The following TPD52L1 variants were observed in gnomAD, a reference collection of about 807,000 sequenced individuals.
The protein encoded by TPD52L1 is TPD52 like 1.
TPD52L1 carries 18 observed loss-of-function variants against 28.7 expected under a neutral mutation model. The observed-to-expected ratio is 0.63, with a 90% confidence interval of 0.43 to 0.93. The LOEUF is 0.93. Ranked by LOEUF, TPD52L1 falls within the 40% of genes least tolerant of loss-of-function variation. TPD52L1 has a pLI of 0.00. For missense variants in TPD52L1, 203 were observed against 254.8 expected (o/e 0.80, Z 1.39); for synonymous variants, 75 against 88.8 (o/e 0.84, Z 0.88).
At chr6:125,182,398 G>C (rs923404419) in intron 1 of TPD52L1, among the ~76,000 whole-genome samples, 1 of 152,142 alleles carries the variant, frequency 6.6e-6, no homozygotes, top group Admixed American at 6.5e-5. Context: ...AGTGTTGCAG[G>C]AGTAGCATTT....
At chr6:125,201,319 T>C (rs866780615) in intron 1 of TPD52L1, among the ~76,000 whole-genome samples, 2 of 152,304 alleles carry the variant, frequency 1.3e-5, no homozygotes, top group Admixed American at 6.5e-5. Flanking sequence ...TTAAAGTGCT[T>C]TGGGGGTCGC....
At chr6:125,192,952 T>A (rs1031856682) in intron 1 of TPD52L1, among the ~76,000 whole-genome samples, 2 of 152,248 alleles carry the variant, frequency 1.3e-5, no homozygotes, top group South Asian at 2.1e-4. Context: ...TTGATAATAA[T>A]CATTGCTAAC....
Position 125,256,341 on chromosome 6 carries a change from C to T in TPD52L1, c.426-757C>T, listed in dbSNP as rs554657117. ...TTCCAGCCTGGGTGACAGAACGAGA[C>T]TATCAAAAAAAAGAAAAAAAAAGCC... On this transcript the variant is annotated intron_variant, in intron 5 of 6. Coordinates refer to ENST00000534000, the MANE Select transcript of TPD52L1 (RefSeq NM_003287.4). 1.2e-4 allele frequency among the ~76,000 whole-genome samples: 18 copies of T among 150,762 alleles called. 1 individual carries two copies. In the South Asian group the frequency reaches 3.8e-3, roughly 32 times the overall value.
intron 1 of TPD52L1, among the ~76,000 whole-genome samples, chr6:125,154,856 T>TA (rs1203498847): frequency 6.6e-6 from 1 of 152,096 alleles, no homozygotes; most frequent in Non-Finnish European, 1.5e-5. Context: ...GTTCAGCCTT[T>TA]AAGGCAATCA....
At chr6:125,170,491 A>G (rs892170470) in intron 1 of TPD52L1, among the ~76,000 whole-genome samples, 1 of 151,436 alleles carries the variant, frequency 6.6e-6, no homozygotes, top group Non-Finnish European at 1.5e-5. Flanking sequence ...TAGCTCTCAT[A>G]TAAATCGGAG....
At chr6:125,209,286 G>A (rs987471514) in intron 1 of TPD52L1, among the ~76,000 whole-genome samples, 3 of 152,176 alleles carry the variant, frequency 2.0e-5, no homozygotes, top group Non-Finnish European at 4.4e-5. Flanking sequence ...AGTAGAGAAC[G>A]CCCATCTGGC....
At chr6:125,216,097 A>AT (rs1487207677) in intron 1 of TPD52L1, among the ~76,000 whole-genome samples, 3 of 152,128 alleles carry the variant, frequency 2.0e-5, no homozygotes, top group African/African-American at 7.2e-5. Flanking sequence ...ATTGCTGCTG[A>AT]TTCCTGGTTT....
intron 1 of TPD52L1, among the ~76,000 whole-genome samples, chr6:125,196,023 A>G (rs1793415734): frequency 6.6e-6 from 1 of 152,172 alleles, no homozygotes; most frequent in South Asian, 2.1e-4. Flanking sequence ...ATCATACTAT[A>G]TTATTTAAAA....
chr6:125,194,171 A>G (rs564720928), intron 1 of TPD52L1, among the ~76,000 whole-genome samples: 1 of 151,718 alleles, frequency 6.6e-6, no homozygotes, highest in South Asian at 2.1e-4. Context: ...GATTAGTTTT[A>G]GGTGTGACTT....
intron 6 of TPD52L1, among the ~76,000 whole-genome samples, chr6:125,259,651 C>T (rs1021876986): frequency 1.3e-5 from 2 of 152,260 alleles, no homozygotes; most frequent in South Asian, 4.2e-4. Flanking sequence ...TCAAGCAGAC[C>T]ATATTTTTAG....
chr6:125,258,294 T>C (rs1797722455), intron 6 of TPD52L1, among the ~76,000 whole-genome samples: 1 of 152,196 alleles, frequency 6.6e-6, no homozygotes, highest in Non-Finnish European at 1.5e-5. Context: ...TTTCCAGTTG[T>C]GCAGTTTCAC....
chr6:125,218,730 G>A, intron 1 of TPD52L1, among the ~76,000 whole-genome samples: 1 of 152,146 alleles, frequency 6.6e-6, no homozygotes, highest in East Asian at 1.9e-4. Context: ...ATGGTTTAAA[G>A]GTGTCCAATG....
At chr6:125,262,444 G>C (rs1345445178) in intron 6 of TPD52L1, 1 of 154,982 alleles carries the variant, frequency 6.5e-6, no homozygotes, top group Non-Finnish European at 1.4e-5. Context: ...GTCATGTAAG[G>C]ATGTTTATAC....
chr6:125,159,982 A>G (rs1790411313), intron 1 of TPD52L1, among the ~76,000 whole-genome samples: 1 of 152,142 alleles, frequency 6.6e-6, no homozygotes, highest in Non-Finnish European at 1.5e-5. Context: ...AGCAAGTCTC[A>G]CGAGACATGA....
chr6:125,247,135 G>A (rs1258275834), intron 3 of TPD52L1, among the ~76,000 whole-genome samples: 3 of 151,966 alleles, frequency 2.0e-5, no homozygotes, highest in Non-Finnish European at 4.4e-5. Context: ...AGAGGAAAAA[G>A]GGCAGTTCCT....
In TPD52L1 at chr6:125,262,820, TCTG is replaced by T. The variant is rs1252679015; in HGVS notation, c.487-11_487-9del. The T allele has an allele frequency of 1.3e-6, 2 of 1,599,618 alleles. No individual in the cohort carries two copies. The highest frequency in any genetic ancestry group is 1.7e-6 in the Non-Finnish European group (2 of 1,175,238). ...TAACAACTAACTGCATTTTTGTGGA[TCTG>T]CTCATTTCAGACGAAAGTAGGCGGT... On this transcript the variant is annotated splice_polypyrimidine_tract_variant and intron_variant, in intron 6 of 6. Coordinates refer to ENST00000534000, the MANE Select transcript of TPD52L1 (RefSeq NM_003287.4).
At chr6:125,260,960 GAAAGAAAGAAAGAAAGAAAAGAAA>G in intron 6 of TPD52L1, 1 of 43,510 alleles carries the variant, frequency 2.3e-5, no homozygotes, top group South Asian at 9.0e-4. Flanking sequence ...AAGAAAGAAA[GAAAGAAAGAAAGAAAGAAAAGAAA>G]AGAAAGAAAG....
At chr6:125,212,805 T>C (rs948840535) in intron 1 of TPD52L1, among the ~76,000 whole-genome samples, 1 of 152,228 alleles carries the variant, frequency 6.6e-6, no homozygotes, top group Non-Finnish European at 1.5e-5. Context: ...ATTTGTGGTG[T>C]TGTTCAGCTC....
intron 2 of TPD52L1, among the ~76,000 whole-genome samples, chr6:125,222,250 C>A (rs750973064): frequency 3.4e-4 from 52 of 152,206 alleles, no homozygotes; most frequent in Non-Finnish European, 7.1e-4. Flanking sequence ...TCACTGCTGG[C>A]CTTATGAAGA....
Sources: allele counts gnomAD v4.1 joint callset (sites outside exome capture counted in the v4.1 genomes callset), GRCh38; gene constraint gnomAD v4.1.1; transcripts MANE v1.5; gene names NCBI Gene and HGNC (gene_info 2026-07-23, HGNC 2026-07-21).